KANSL1: variants seen among roughly 807,000 people sequenced by gnomAD.
KANSL1 encodes MLL1/MLL complex subunit KANSL1.
A neutral mutation model predicts 103.6 loss-of-function variants in KANSL1; 22 were observed. The observed-to-expected ratio is 0.21, with a 90% CI of 0.15 to 0.30. KANSL1 has a LOEUF of 0.30. Ranked by LOEUF, KANSL1 falls within the 10% of genes least tolerant of loss-of-function variation. KANSL1 has a pLI of 1.00. For synonymous variants in KANSL1, 600 were observed against 527.6 expected (o/e 1.14, Z -1.88); for missense variants, 1,337 against 1,399.8 (o/e 0.96, Z 0.72).
Position 46,132,227 on chromosome 17 carries a change from C to T in KANSL1, c.1290-37526G>A, listed in dbSNP as rs1259287270. Among the ~76,000 whole-genome samples, 10 of 152,280 alleles carry T rather than the reference C, an allele frequency of 6.6e-5. No homozygotes were observed. The South Asian group carries it at 8.3e-4, about 13-fold the overall frequency. On this transcript the variant is annotated intron_variant, in intron 2 of 14. Coordinates refer to ENST00000432791, the MANE Select transcript of KANSL1 (RefSeq NM_015443.4). ...AAGAGAAAGGTCAGGGCAGTTTCAA[C>T]CTTCCCATTTATTTAGCTGTGTGAC... is the stretch of plus-strand genomic sequence containing the variant.
At chr17:46,040,321 T>C (rs1183564992) in intron 7 of KANSL1, 4 of 158,444 alleles carry the variant, frequency 2.5e-5, no homozygotes, top group African/African-American at 9.6e-5. Context: ...TACTACATAC[T>C]CTCTCCAAAT....
chr17:46,137,037 T>C (rs941715720), intron 2 of KANSL1, among the ~76,000 whole-genome samples: 1 of 152,254 alleles, frequency 6.6e-6, no homozygotes, highest in Non-Finnish European at 1.5e-5. Context: ...TGCTGTTCTT[T>C]GGGGTGAGTG....
At chr17:46,211,438 C>A (rs1037979301) in intron 1 of KANSL1, among the ~76,000 whole-genome samples, 3 of 152,222 alleles carry the variant, frequency 2.0e-5, no homozygotes, top group Non-Finnish European at 2.9e-5. Flanking sequence ...AGAAAGTTTA[C>A]AGATTTGTGT....
intron 3 of KANSL1, among the ~76,000 whole-genome samples, chr17:46,089,573 A>G (rs868262011): frequency 7.2e-5 from 11 of 152,178 alleles, no homozygotes; most frequent in Admixed American, 2.0e-4. Flanking sequence ...CTCAAAAAAA[A>G]AAAAAAGACC....
At chr17:46,189,031 C>CAAAAAAAAAGAAAAAAAAAAAAAAAA (rs2047171599) in intron 1 of KANSL1, among the ~76,000 whole-genome samples, 1 of 62,414 alleles carries the variant, frequency 1.6e-5, no homozygotes, top group Non-Finnish European at 2.6e-5. Flanking sequence ...AAGATTGTCT[C>CAAAAAAAAAGAAAAAAAAAAAAAAAA]AAAAAAAAAA....
intron 2 of KANSL1, among the ~76,000 whole-genome samples, chr17:46,120,613 A>G (rs2043237013): frequency 6.6e-6 from 1 of 152,208 alleles, no homozygotes. Context: ...TAACATGATT[A>G]ATTTTTTAAA....
chr17:46,090,467 T>C (rs1258144071), intron 3 of KANSL1, among the ~76,000 whole-genome samples: 1 of 152,242 alleles, frequency 6.6e-6, no homozygotes, highest in Non-Finnish European at 1.5e-5. Context: ...ATCAACCTAG[T>C]TTTATTCTTC....
chr17:46,211,588 T>C (rs1323973641), intron 1 of KANSL1, among the ~76,000 whole-genome samples: 1 of 152,174 alleles, frequency 6.6e-6, no homozygotes, highest in African/African-American at 2.4e-5. Flanking sequence ...TTCTGAGTAG[T>C]TATCATAAAT....
intron 1 of KANSL1, among the ~76,000 whole-genome samples, chr17:46,173,636 T>C (rs1170436543): frequency 1.3e-5 from 2 of 152,236 alleles, no homozygotes; most frequent in Non-Finnish European, 2.9e-5. Context: ...TGTGTTGACA[T>C]TTGCAATCAG....
In KANSL1 at chr17:46,073,222, T is replaced by C. The variant is rs553027276; in HGVS notation, c.1534-5555A>G. ...ACAGCAATAGCTTACATTTTTAGCA[T>C]GCCTTTCTTCTGAGAAAGCATTAGC... On this transcript the variant is annotated intron_variant, in intron 4 of 14. Coordinates refer to ENST00000432791, the MANE Select transcript of KANSL1 (RefSeq NM_015443.4). Among the ~76,000 whole-genome samples the C allele has an allele frequency of 3.9e-5, 6 of 152,378 alleles. No individual in the cohort carries two copies. In the South Asian group the frequency reaches 1.0e-3, roughly 26 times the overall value.
chr17:46,163,961 ACTGT>A (rs1284347183), intron 2 of KANSL1, among the ~76,000 whole-genome samples: 8 of 152,208 alleles, frequency 5.3e-5, no homozygotes, highest in African/African-American at 1.2e-4. Context: ...TCAAAAGAAA[ACTGT>A]CTATCAAAAT....
At chr17:46,096,408 C>T (rs981976219) in intron 2 of KANSL1, among the ~76,000 whole-genome samples, 2 of 150,202 alleles carry the variant, frequency 1.3e-5, no homozygotes, top group African/African-American at 4.9e-5. Context: ...CCAACCTTCG[C>T]CTCCCAGGTT....
intron 1 of KANSL1, among the ~76,000 whole-genome samples, chr17:46,213,115 T>C (rs545133375): frequency 6.8e-6 from 1 of 147,690 alleles, no homozygotes; most frequent in Non-Finnish European, 1.5e-5. Context: ...ACCACCACCA[T>C]CAAGTGCCCA....
chr17:46,058,743 A>ACACACTCT (rs2078032998), intron 6 of KANSL1, among the ~76,000 whole-genome samples: 10 of 67,954 alleles, frequency 1.5e-4, no homozygotes, highest in Admixed American at 3.1e-4. Context: ...ACACACACAC[A>ACACACTCT]CTCTCTCTCT....
chr17:46,147,617 C>CAG lies in KANSL1; in HGVS notation c.1289+23236_1289+23237dup, dbSNP rs563272354. 8.3e-5 allele frequency among the ~76,000 whole-genome samples: 12 copies of CAG among 145,362 alleles called. No individual in the cohort carries two copies. In the South Asian group the frequency reaches 1.9e-3, roughly 24 times the overall value. On this transcript the variant is annotated intron_variant, in intron 2 of 14. Transcript: ENST00000432791. ...AAAAAGAGAGCGAGAGAGAAAGAGG[C>CAG]AGAGAGAGAGAGAAAGATCTCAACT...
intron 2 of KANSL1, among the ~76,000 whole-genome samples, chr17:46,145,169 C>A (rs894280806): frequency 6.6e-6 from 1 of 152,364 alleles, no homozygotes; most frequent in Middle Eastern, 3.4e-3. Flanking sequence ...TGAAAAGCCA[C>A]GGAGACTAGT....
intron 2 of KANSL1, among the ~76,000 whole-genome samples, chr17:46,123,277 T>C (rs1321941143): frequency 3.9e-5 from 6 of 152,142 alleles, no homozygotes; most frequent in Admixed American, 6.5e-5. Flanking sequence ...CTCAGGAGGC[T>C]GAGGCAGGAG....
chr17:46,220,110 C>T (rs1483672939), intron 1 of KANSL1, among the ~76,000 whole-genome samples: 1 of 152,026 alleles, frequency 6.6e-6, no homozygotes, highest in Non-Finnish European at 1.5e-5. Context: ...CTCAAAAAAA[C>T]AAAAACAAAA....
chr17:46,158,382 G>A (rs1597832367), intron 2 of KANSL1, among the ~76,000 whole-genome samples: 1 of 147,064 alleles, frequency 6.8e-6, no homozygotes, highest in African/African-American at 2.5e-5. Flanking sequence ...TTTTTTTTGA[G>A]ACAGTCTCGC....
Sources: allele counts gnomAD v4.1 joint callset (sites outside exome capture counted in the v4.1 genomes callset), GRCh38; gene constraint gnomAD v4.1.1; transcripts MANE v1.5; gene names NCBI Gene and HGNC (gene_info 2026-07-23, HGNC 2026-07-21).